The following CRLS1 variants were observed in gnomAD, a reference collection of about 807,000 sequenced individuals.
CRLS1 encodes the protein cardiolipin synthase 1, also known as cardiolipin synthase (CMP-forming).
Under a neutral mutation model 37.0 loss-of-function variants are expected in CRLS1, and 24 were observed. That is an observed-to-expected ratio of 0.65 (90% CI 0.47 to 0.91). The LOEUF (loss-of-function observed/expected upper bound fraction) is 0.91. Among genes scored for constraint, CRLS1 ranks in the 40% least tolerant of loss-of-function variants. The pLI is 0.00. For missense variants in CRLS1, 373 were observed against 395.8 expected (o/e 0.94, Z 0.49); for synonymous variants, 135 against 159.7 (o/e 0.85, Z 1.17).
chr20:6,023,856 G>T (rs1319272681), intron 3 of CRLS1, among the ~76,000 whole-genome samples: 1 of 151,718 alleles, frequency 6.6e-6, no homozygotes. Flanking sequence ...ACTTTGCAAA[G>T]TGACATTTTT....
At position 6,006,237 on chromosome 20, in the gene CRLS1, C is replaced by G; in HGVS notation, c.-10C>G. 4 of 1,224,202 alleles carry G rather than the reference C, an allele frequency of 3.3e-6. No individual in the cohort carries two copies. The highest frequency in any genetic ancestry group is 4.1e-6 in the Non-Finnish European group (4 of 982,988). 75.8% of individuals were successfully genotyped at this position (1,224,202 alleles called of 1,614,324 possible). A position where few individuals can be genotyped will look rare whatever the true frequency, so the allele number is the denominator to read the frequency against. On this transcript the variant is annotated 5_prime_UTR_variant, in exon 1 of 7. Coordinates refer to ENST00000378863, the MANE Select transcript of CRLS1 (RefSeq NM_019095.6). ...CGCCGCCCGAGACCCCGCGGCGCGGCCGCAGGGCCATGCTAGCCTTGCGCG... is the reference window on the plus strand; with the variant it reads ...CGCCGCCCGAGACCCCGCGGCGCGGGCGCAGGGCCATGCTAGCCTTGCGCG...
chr20:6,030,830 G>C (rs1980109973), intron 3 of CRLS1, among the ~76,000 whole-genome samples: 1 of 152,188 alleles, frequency 6.6e-6, no homozygotes, highest in African/African-American at 2.4e-5. Flanking sequence ...GATTTCAGAA[G>C]AGTTTGAGGC....
intron 2 of CRLS1, among the ~76,000 whole-genome samples, chr20:6,012,824 A>G (rs1332564529): frequency 6.6e-6 from 1 of 152,214 alleles, no homozygotes; most frequent in Non-Finnish European, 1.5e-5. Flanking sequence ...AAGCACCAGA[A>G]AAGAAGCCAG....
intron 3 of CRLS1, among the ~76,000 whole-genome samples, chr20:6,025,807 C>T (rs1165504508): frequency 3.3e-5 from 5 of 152,150 alleles, no homozygotes; most frequent in Admixed American, 1.3e-4. Flanking sequence ...TGGAGGAAGT[C>T]ACTGCAGATG....
At chr20:6,031,244 T>C (rs763517171) in intron 3 of CRLS1, 41 bp from the exon 4 acceptor site, 12 of 1,391,150 alleles carry the variant, frequency 8.6e-6, no homozygotes, top group Non-Finnish European at 1.2e-5. Context: ...ATTAGTACTC[T>C]TCAGAATCCC....
chr20:6,007,884 C>T (rs1224776322), intron 1 of CRLS1, among the ~76,000 whole-genome samples: 1 of 152,174 alleles, frequency 6.6e-6, no homozygotes, highest in African/African-American at 2.4e-5. Context: ...ATGTGGATTA[C>T]TTTCAGTAAA....
chr20:6,011,961 AAC>A (rs1466227750), intron 2 of CRLS1, among the ~76,000 whole-genome samples: 2 of 151,462 alleles, frequency 1.3e-5, no homozygotes, highest in East Asian at 1.9e-4. Flanking sequence ...TTATACTGAT[AAC>A]AGTTTTTTTT....
At chr20:6,032,930 G>T (rs1250841489) in intron 5 of CRLS1, among the ~76,000 whole-genome samples, 2 of 151,012 alleles carry the variant, frequency 1.3e-5, no homozygotes, top group Non-Finnish European at 3.0e-5. Flanking sequence ...GTTGTTTTTT[G>T]TTTGTTTGTT....
Position 6,006,530 on chromosome 20 carries a change from G to A in CRLS1, c.284G>A (p.Gly95Asp). ...GCCGAAGCCCCGGGCGGCCAGTGGG[G>A]CCCGGCGAGCACCCCCAGCCTGGTA... ...AAAEAPGGQW[G>D]PASTPSLYEN... The change falls in exon 1 of 7, where the codon GGC (glycine) becomes GAC (aspartate). Residue 95 changes from glycine (G) to aspartate (D), a missense_variant. Gly to Asp is a moderately conservative substitution (Grantham distance 94). Coordinates refer to ENST00000378863, the MANE Select transcript of CRLS1 (RefSeq NM_019095.6). The A allele has an allele frequency of 7.6e-7, 1 of 1,324,116 alleles. No individual in the cohort carries two copies. Among genetic ancestry groups the A allele is most frequent in the Non-Finnish European group, 9.6e-7 (1 of 1,046,034 alleles). The allele number at this position is 1,324,116 out of a possible 1,614,324, so 82.0% of individuals were successfully genotyped here. A position where few individuals can be genotyped will look rare whatever the true frequency, so the allele number is the denominator to read the frequency against.
chr20:6,020,484 T>C (rs553552996), intron 3 of CRLS1, among the ~76,000 whole-genome samples: 2 of 152,236 alleles, frequency 1.3e-5, no homozygotes, highest in Non-Finnish European at 2.9e-5. Context: ...GAACATGCTC[T>C]GTGATTTCAG....
At position 6,015,456 on chromosome 20, in the gene CRLS1, A is replaced by T; in HGVS notation, c.540A>T (p.Leu180Phe). The T allele has an allele frequency of 6.2e-7, 1 of 1,613,080 alleles. No individual in the cohort carries two copies. The highest frequency in any genetic ancestry group is 2.2e-5 in the East Asian group (1 of 44,814). ...PLADKILISI[L>F]YVSLTYADLI... ...CTGATAAAATACTTATCAGTATCTT[A>T]TATGTTAGCTTGACCTATGCAGATC... Residue 180 changes from leucine (L) to phenylalanine (F), a missense_variant, in exon 3 of 7, where the codon TTA becomes TTT. By Grantham distance (22) the Leu-to-Phe change is conservative. Transcript: ENST00000378863.
chr20:6,032,108 T>C (rs200831521), intron 5 of CRLS1, 28 bp downstream of exon 5: 1 of 1,546,532 alleles, frequency 6.5e-7, no homozygotes, highest in Non-Finnish European at 8.9e-7. Flanking sequence ...TCTTTGAAGT[T>C]ATTCCTTTGT....
In CRLS1 at chr20:6,006,316, C is replaced by T. The variant is rs2090053355; in HGVS notation, c.70C>T (p.Arg24Trp). 2.3e-6 allele frequency: 3 copies of T among 1,332,790 alleles called. No individual in the cohort carries two copies. The highest frequency in any genetic ancestry group is 2.0e-5 in the South Asian group (1 of 49,738). 82.6% of individuals were successfully genotyped at this position (1,332,790 alleles called of 1,614,324 possible). The part of the protein sequence containing the change: ...LRGAAWAPGT[R>W]PSKRRACWAL... ...CGGCGCCGCTTGGGCTCCGGGAACG[C>T]GGCCGAGTAAGCGACGCGCCTGCTG... The change falls in exon 1 of 7, where the codon CGG (arginine) becomes TGG (tryptophan). Residue 24 changes from arginine (R) to tryptophan (W), a missense_variant. Coordinates refer to ENST00000378863, the MANE Select transcript of CRLS1 (RefSeq NM_019095.6).
intron 3 of CRLS1, among the ~76,000 whole-genome samples, chr20:6,024,213 T>G (rs2122985304): frequency 6.6e-6 from 1 of 152,218 alleles, no homozygotes; most frequent in African/African-American, 2.4e-5. Context: ...ACCTCAGCCT[T>G]TCAAAGTGCT....
Position 6,006,237 on chromosome 20 carries a change from C to T in CRLS1, c.-10C>T. 2 of 1,224,202 alleles carry T rather than the reference C, an allele frequency of 1.6e-6. No individual in the cohort carries two copies. Among genetic ancestry groups the T allele is most frequent in the Non-Finnish European group, 1.0e-6 (1 of 982,988 alleles). 75.8% of individuals were successfully genotyped at this position (1,224,202 alleles called of 1,614,324 possible). A position where few individuals can be genotyped will look rare whatever the true frequency, so the allele number is the denominator to read the frequency against. On this transcript the variant is annotated 5_prime_UTR_variant, in exon 1 of 7. Coordinates refer to ENST00000378863, the MANE Select transcript of CRLS1 (RefSeq NM_019095.6). ...CGCCGCCCGAGACCCCGCGGCGCGG[C>T]CGCAGGGCCATGCTAGCCTTGCGCG... is the stretch of plus-strand genomic sequence containing the variant.
intron 5 of CRLS1, among the ~76,000 whole-genome samples, chr20:6,033,712 G>A (rs936331976): frequency 1.3e-5 from 2 of 151,956 alleles, no homozygotes; most frequent in Admixed American, 6.6e-5. Flanking sequence ...GGGGTCTTGC[G>A]CTGTCTGCCC....
chr20:6,026,905 G>A (rs1019340188), intron 3 of CRLS1, among the ~76,000 whole-genome samples: 9 of 152,042 alleles, frequency 5.9e-5, no homozygotes, highest in African/African-American at 2.4e-5. Context: ...GTGGAGTTGG[G>A]GTTGGTAACT....
rs565546520 is a variant in CRLS1 at position 6,039,857 on chromosome 20, C to G, written c.*2699C>G. 6.6e-6 allele frequency: 1 copy of G among 152,118 alleles called. No individual in the cohort carries two copies. Among genetic ancestry groups the G allele is most frequent in the East Asian group, 1.9e-4 (1 of 5,184 alleles). The allele number at this position is 152,118 out of a possible 1,614,324, so 9.4% of individuals were successfully genotyped here. A position where few individuals can be genotyped will look rare whatever the true frequency, so the allele number is the denominator to read the frequency against. On this transcript the variant is annotated 3_prime_UTR_variant, in exon 7 of 7. Transcript: ENST00000378863. ...ATACTGAGGATTGCTGCCAACCATC[C>G]GAAGCTGGGAGAGGAGATGGAACAA...
At chr20:6,013,943 A>G (rs1978534618) in intron 2 of CRLS1, among the ~76,000 whole-genome samples, 1 of 152,142 alleles carries the variant, frequency 6.6e-6, no homozygotes, top group Non-Finnish European at 1.5e-5. Flanking sequence ...AGTGAAGATG[A>G]GAGGGTGATG....
Sources: gnomAD v4.1 joint callset for allele counts (sites outside exome capture counted in the v4.1 genomes callset) on GRCh38, gnomAD v4.1.1 for gene constraint, MANE v1.5 for transcripts, NCBI Gene and HGNC (gene_info 2026-07-23, HGNC 2026-07-21) for gene names.